Variants in RPS6KA5 observed in about 807,000 individuals in gnomAD.
The protein encoded by RPS6KA5 is ribosomal protein S6 kinase alpha-5.
A neutral mutation model predicts 85.5 loss-of-function variants in RPS6KA5; 27 were observed. The observed-to-expected ratio is 0.32, with a 90% CI of 0.23 to 0.44. The LOEUF (loss-of-function observed/expected upper bound fraction) is 0.44, where lower values mean the gene tolerates loss of function less well. RPS6KA5 is among the 20% of genes least tolerant of loss of function. The pLI is 1.00. For synonymous variants in RPS6KA5, 334 were observed against 348.2 expected, an observed-to-expected ratio of 0.96 and a Z score of 0.46; for missense variants, 811 against 980.9, an observed-to-expected ratio of 0.83 and a Z score of 2.31.
chr14:91,035,860 AAAAAAAAAAAAAAAAAAAAAAC>A (rs1312599334), intron 1 of RPS6KA5, among the ~76,000 whole-genome samples: 10 of 128,798 alleles, frequency 7.8e-5, no homozygotes, highest in African/African-American at 2.8e-4. Context: ...AAAAAAAAAA[AAAAAAAAAAAAAAAAAAAAAAC>A]CCCAAAGCTG....
intron 1 of RPS6KA5, among the ~76,000 whole-genome samples, chr14:91,027,979 T>TA (rs1254057668): frequency 6.6e-6 from 1 of 152,192 alleles, no homozygotes; most frequent in Non-Finnish European, 1.5e-5. Context: ...GTAATGTACT[T>TA]AGCATATAAA....
At chr14:91,017,752 C>T (rs1200096379) in intron 1 of RPS6KA5, among the ~76,000 whole-genome samples, 2 of 152,208 alleles carry the variant, frequency 1.3e-5, no homozygotes, top group Admixed American at 1.3e-4. Flanking sequence ...CCTGTTCCCA[C>T]AACTGTATAC....
chr14:91,035,921 T>A (rs1595525207), intron 1 of RPS6KA5, among the ~76,000 whole-genome samples: 3 of 96,344 alleles, frequency 3.1e-5, no homozygotes, highest in Admixed American at 1.1e-4. Context: ...CACTCCAAAC[T>A]GAATTAGGTA....
rs536113802 is a variant in RPS6KA5 at position 90,963,237 on chromosome 14, TA to T, written c.394+15068del. On this transcript the variant is annotated intron_variant, in intron 3 of 16. Coordinates refer to ENST00000614987, the MANE Select transcript of RPS6KA5 (RefSeq NM_004755.4). Reference sequence around the variant, plus strand: ...GCAGGTTATGTATTCTTGGAAGGAATAGCAATAAAATGATGTTACCCTCACT... The same window carrying T: ...GCAGGTTATGTATTCTTGGAAGGAATGCAATAAAATGATGTTACCCTCACT... Among the ~76,000 whole-genome samples the T allele has an allele frequency of 3.9e-3, 601 of 152,294 alleles. 2 individuals are homozygous for T. Among genetic ancestry groups the T allele is most frequent in the Admixed American group, 7.3e-3 (111 of 15,296 alleles).
At chr14:90,996,043 G>A (rs142652580) in intron 2 of RPS6KA5, among the ~76,000 whole-genome samples, 227 of 152,230 alleles carry the variant, frequency 1.5e-3, no homozygotes, top group African/African-American at 4.8e-3. Flanking sequence ...ACAGGGTCTC[G>A]CTCTATCTCC....
At chr14:90,893,288 G>A (rs1028960658) in intron 13 of RPS6KA5, among the ~76,000 whole-genome samples, 1 of 152,188 alleles carries the variant, frequency 6.6e-6, no homozygotes, top group Non-Finnish European at 1.5e-5. Context: ...TATGATGAAG[G>A]AAGCAGAGGG....
At chr14:91,047,889 TCTC>T in intron 1 of RPS6KA5, among the ~76,000 whole-genome samples, 1 of 152,094 alleles carries the variant, frequency 6.6e-6, no homozygotes, top group Non-Finnish European at 1.5e-5. Flanking sequence ...TTTCCTCATA[TCTC>T]CTCCTCTTTT....
intron 1 of RPS6KA5, among the ~76,000 whole-genome samples, chr14:91,027,178 G>C (rs1354477347): frequency 1.3e-5 from 2 of 152,008 alleles, no homozygotes; most frequent in African/African-American, 2.4e-5. Context: ...TCAGGACTTA[G>C]GAATTCTTTC....
chr14:90,890,667 G>C lies in RPS6KA5; in HGVS notation c.1656C>G (p.Phe552Leu). ...HRDLKPENLL[F>L]TDENDNLEIK... is the part of the protein sequence containing the mutation. Reference sequence around the variant, plus strand: ...TTTCCAAATTGTCATTTTCATCGGTGAACAATAAATTCTGCAAGATATCAA... The same window carrying C: ...TTTCCAAATTGTCATTTTCATCGGTCAACAATAAATTCTGCAAGATATCAA... The change falls in exon 14 of 17, where the codon TTC becomes TTG. Residue 552 changes from phenylalanine (F) to leucine (L), a missense_variant. Physicochemically the swap from Phe to Leu is conservative, Grantham distance 22 (BLOSUM62 0). Coordinates refer to ENST00000614987, the MANE Select transcript of RPS6KA5 (RefSeq NM_004755.4). The C allele has an allele frequency of 6.2e-7, 1 of 1,613,276 alleles. No individual in the cohort carries two copies. Among genetic ancestry groups the C allele is most frequent in the East Asian group, 2.2e-5 (1 of 44,858 alleles).
intron 1 of RPS6KA5, among the ~76,000 whole-genome samples, chr14:91,023,390 G>A (rs920249667): frequency 6.6e-5 from 10 of 151,646 alleles, no homozygotes; most frequent in African/African-American, 1.9e-4. Flanking sequence ...GGGTTCAAGC[G>A]ATTCTCCTGC....
At chr14:90,916,184 T>C (rs1595206076) in intron 7 of RPS6KA5, among the ~76,000 whole-genome samples, 1 of 152,262 alleles carries the variant, frequency 6.6e-6, no homozygotes, top group Middle Eastern at 3.4e-3. Context: ...ACAACTAAAG[T>C]TGTCCATTAA....
intron 14 of RPS6KA5, among the ~76,000 whole-genome samples, chr14:90,888,084 G>C (rs1273681015): frequency 6.8e-6 from 1 of 147,178 alleles, no homozygotes; most frequent in Non-Finnish European, 1.5e-5. Flanking sequence ...CCATTTATTT[G>C]TTGAACAAAC....
chr14:91,058,278 A>T (rs1033895518), intron 1 of RPS6KA5, among the ~76,000 whole-genome samples: 1 of 152,244 alleles, frequency 6.6e-6, no homozygotes, highest in East Asian at 1.9e-4. Flanking sequence ...ATTCAGTATA[A>T]TCTCACCATC....
intron 1 of RPS6KA5, among the ~76,000 whole-genome samples, chr14:91,029,767 T>C (rs986518406): frequency 1.1e-4 from 17 of 152,188 alleles, no homozygotes; most frequent in Admixed American, 1.1e-3. Context: ...AGATAATAAA[T>C]GTACACCACT....
At chr14:91,052,360 T>G (rs1233121949) in intron 1 of RPS6KA5, 1 of 392,808 alleles carries the variant, frequency 2.5e-6, no homozygotes, top group Non-Finnish European at 4.8e-6. Context: ...CCCAGCCACT[T>G]GGGAGGCTGA....
intron 1 of RPS6KA5, among the ~76,000 whole-genome samples, chr14:91,018,626 A>G (rs1384543897): frequency 2.0e-5 from 3 of 152,132 alleles, no homozygotes; most frequent in East Asian, 1.9e-4. Context: ...TCAAGGCTCC[A>G]GGTTCTTTGG....
At chr14:91,052,969 T>C (rs1441937093) in intron 1 of RPS6KA5, among the ~76,000 whole-genome samples, 2 of 151,290 alleles carry the variant, frequency 1.3e-5, no homozygotes, top group African/African-American at 2.4e-5. Context: ...AAATCCTTAA[T>C]AAAATACAAG....
chr14:90,889,119 C>A (rs1375239755), intron 14 of RPS6KA5, among the ~76,000 whole-genome samples: 1 of 151,806 alleles, frequency 6.6e-6, no homozygotes, highest in Non-Finnish European at 1.5e-5. Flanking sequence ...CATGGTAAAA[C>A]CTCGTCTCTA....
At chr14:90,882,832 G>A (rs1011968379) in intron 14 of RPS6KA5, among the ~76,000 whole-genome samples, 1 of 150,930 alleles carries the variant, frequency 6.6e-6, no homozygotes, top group African/African-American at 2.4e-5. Context: ...TTTTGAGACA[G>A]AGTCTCACTC....
Sources: gnomAD v4.1 joint callset for allele counts (sites outside exome capture counted in the v4.1 genomes callset) on GRCh38, gnomAD v4.1.1 for gene constraint, MANE v1.5 for transcripts, NCBI Gene and HGNC (gene_info 2026-07-23, HGNC 2026-07-21) for gene names.